Variants in CLOCK observed in about 807,000 individuals in gnomAD.
CLOCK encodes the protein circadian locomoter output cycles protein kaput.
In CLOCK, 43 loss-of-function variants were observed where a neutral mutation model predicts 118.4. That is an observed-to-expected ratio of 0.36 (90% confidence interval 0.28 to 0.47). The LOEUF (loss-of-function observed/expected upper bound fraction) is 0.47. Among genes scored for constraint, CLOCK ranks in the 20% least tolerant of loss-of-function variants. CLOCK has a pLI of 1.00. For synonymous variants in CLOCK, 326 were observed against 339.2 expected (o/e 0.96, Z 0.43); for missense variants, 846 against 999.9 (o/e 0.85, Z 2.08).
chr4:55,493,641 A>C (rs572802524), intron 2 of CLOCK, among the ~76,000 whole-genome samples: 1 of 152,362 alleles, frequency 6.6e-6, no homozygotes, highest in South Asian at 2.1e-4. Context: ...TGTACGAGGA[A>C]AAAATGAAAT....
At chr4:55,528,560 C>T (rs1026684597) in intron 1 of CLOCK, among the ~76,000 whole-genome samples, 9 of 151,894 alleles carry the variant, frequency 5.9e-5, no homozygotes, top group African/African-American at 1.9e-4. Flanking sequence ...ATCTATAAGA[C>T]AATGAAAAGA....
In CLOCK at chr4:55,443,720, T is replaced by G. The variant is rs138667807; in HGVS notation, c.1869A>C (p.Ile623=). The G allele has an allele frequency of 3.7e-6, 6 of 1,614,042 alleles. No individual in the cohort carries two copies. The African/African-American group carries it at 5.3e-5, about 14-fold the overall frequency. ...ATGTACTCTGTAAAGTCTGTTGTTG[T>G]ATCATGTGCTGAGTTGTGCCAATGT... ...TGHIGTTQHM[I]QQQTLQSTST... Residue 623 remains isoleucine (I), a synonymous_variant, in exon 20 of 23, where the codon ATA becomes ATC. Transcript: ENST00000513440.
At chr4:55,501,485 ACAGC>A in intron 2 of CLOCK, 1 of 142,274 alleles carries the variant, frequency 7.0e-6, no homozygotes, top group Non-Finnish European at 1.6e-5. Context: ...TGGCCTAATC[ACAGC>A]TCACTGCAAC....
In CLOCK at chr4:55,444,751, T is replaced by C; in HGVS notation, c.1574A>G (p.His525Arg). ...CCGTTGTTCCAATTGGTCTTTCAGA[T>C]GTTGCATGGCTCCTAATTGAGCTGA... ...QFSAQLGAMQ[H>R]LKDQLEQRTR... is the part of the protein sequence containing the mutation. The change falls in exon 19 of 23, where the codon CAT becomes CGT. Residue 525 changes from histidine (H) to arginine (R), a missense_variant. Physicochemically the swap from His to Arg is conservative, Grantham distance 29. This residue lies in a region of CLOCK where 520 missense variants were observed against 558.0 expected (regional missense o/e 0.93). Coordinates refer to ENST00000513440, the MANE Select transcript of CLOCK (RefSeq NM_004898.4). The C allele has an allele frequency of 6.2e-7, 1 of 1,614,112 alleles. No individual in the cohort carries two copies. The highest frequency in any genetic ancestry group is 8.5e-7 in the Non-Finnish European group (1 of 1,180,006).
intron 1 of CLOCK, among the ~76,000 whole-genome samples, chr4:55,510,749 A>G (rs981930175): frequency 6.6e-6 from 1 of 152,122 alleles, no homozygotes. Context: ...TTTTTGTCCA[A>G]AGGGAACAGT....
intron 2 of CLOCK, among the ~76,000 whole-genome samples, chr4:55,508,796 G>T (rs1461831050): frequency 1.3e-5 from 2 of 152,222 alleles, no homozygotes; most frequent in East Asian, 3.9e-4. Context: ...GTTTCACCGT[G>T]TTAGCCAGGA....
In CLOCK at chr4:55,449,478, G is replaced by A. The variant is rs578243815; in HGVS notation, c.1367C>T (p.Pro456Leu). 638 of 1,613,888 alleles carry A rather than the reference G, an allele frequency of 4.0e-4. 7 individuals are homozygous for A. In the South Asian group the frequency reaches 5.6e-3, roughly 14 times the overall value. ...SDPSSTPTKI[P>L]TDTSTPPRQH... Reference sequence around the variant, plus strand: ...CCTGGGTGGAGTGCTCGTATCCGTCGGGATCTTGGTTGGTGTTGCTGAAGT... The same window carrying A: ...CCTGGGTGGAGTGCTCGTATCCGTCAGGATCTTGGTTGGTGTTGCTGAAGT... The change falls in exon 17 of 23, where the codon CCG becomes CTG. Residue 456 changes from proline to leucine, a missense_variant. Pro to Leu is a moderately conservative substitution (Grantham distance 98). Around this residue, in one of 4 missense-constraint regions of CLOCK, gnomAD observed 520 missense variants for 558.0 expected, o/e 0.93. Coordinates refer to ENST00000513440, the MANE Select transcript of CLOCK (RefSeq NM_004898.4).
chr4:55,448,805 A>G lies in CLOCK; in HGVS notation c.1513T>C (p.Leu505=), dbSNP rs768705084. 6.2e-7 allele frequency: 1 copy of G among 1,614,030 alleles called. No individual in the cohort carries two copies. ...TGGGACATGCCTTGTGGAATTGGTA[A>G]ATTTGTAGCTTGAGACATCACTGGC... ...TQPVMSQATN[L]PIPQGMSQFQ... The change falls in exon 18 of 23, where the codon TTA becomes CTA. Residue 505 remains leucine (L), a synonymous_variant. Coordinates refer to ENST00000513440, the MANE Select transcript of CLOCK (RefSeq NM_004898.4).
Position 55,513,940 on chromosome 4 carries a change from G to A in CLOCK, c.-289-3875C>T, listed in dbSNP as rs376796473. ...TCCACTTGTTCACTGCTGGTATATA[G>A]GAATATAATCTACTTTTGCATATTA... On this transcript the variant is annotated intron_variant, in intron 1 of 22. Transcript: ENST00000513440. Among the ~76,000 whole-genome samples the A allele has an allele frequency of 2.7e-4, 41 of 152,132 alleles. 1 individual carries two copies. In the East Asian group the frequency reaches 3.9e-3, roughly 14 times the overall value.
chr4:55,482,903 C>T (rs1727029079), intron 3 of CLOCK, 75 bp from the exon 4 acceptor site: 1 of 680,488 alleles, frequency 1.5e-6, no homozygotes, highest in East Asian at 2.8e-5. Flanking sequence ...TTGAGAAATA[C>T]TATATGTTAT....
At position 55,450,152 on chromosome 4, in the gene CLOCK, G is replaced by C; in HGVS notation, c.1287C>G (p.Thr429=). 6.2e-7 allele frequency: 1 copy of C among 1,614,076 alleles called. No homozygotes were observed. Among genetic ancestry groups the C allele is most frequent in the Non-Finnish European group, 8.5e-7 (1 of 1,180,004 alleles). ...TTGAACTCCGAGAAGAGGCAGAAGGGGTTGGGCTGTGATCAAACCTTTCCA... is the reference window on the plus strand; with the variant it reads ...TTGAACTCCGAGAAGAGGCAGAAGGCGTTGGGCTGTGATCAAACCTTTCCA... ...EALERFDHSP[T]PSASSRSSRK... Residue 429 remains threonine, a synonymous_variant, in exon 16 of 23, where the codon ACC becomes ACG. Coordinates refer to ENST00000513440, the MANE Select transcript of CLOCK (RefSeq NM_004898.4).
At chr4:55,542,344 AAATAAT>A (rs530927235) in intron 1 of CLOCK, among the ~76,000 whole-genome samples, 89 of 117,296 alleles carry the variant, frequency 7.6e-4, no homozygotes, top group African/African-American at 2.4e-3. Context: ...ACTCTGTCTC[AAATAAT>A]AATAATAATA....
At chr4:55,517,059 T>C (rs28572326) in intron 1 of CLOCK, among the ~76,000 whole-genome samples, 1,776 of 152,354 alleles carry the variant, frequency 0.012, 32 homozygotes, top group African/African-American at 0.041. Flanking sequence ...TAAGCATACA[T>C]AATTGAATAC....
At position 55,434,068 on chromosome 4, in the gene CLOCK, T is replaced by C. The variant is rs576026322; in HGVS notation, c.*1347A>G. On this transcript the variant is annotated 3_prime_UTR_variant, in exon 23 of 23. Coordinates refer to ENST00000513440, the MANE Select transcript of CLOCK (RefSeq NM_004898.4). ...CTCCAGTCCAAGAGACTGATAGCAG[T>C]CTTCAGAGGAACTTATTAGGAGACT... The C allele has an allele frequency of 6.6e-6, 1 of 152,654 alleles. No homozygotes were observed. Among genetic ancestry groups the C allele is most frequent in the South Asian group, 2.1e-4 (1 of 4,836 alleles). 9.5% of individuals were successfully genotyped at this position (152,654 alleles called of 1,614,324 possible).
rs574291051 is a variant in CLOCK at position 55,428,483 on chromosome 4, G to A, written c.*6932C>T. On this transcript the variant is annotated 3_prime_UTR_variant, in exon 23 of 23. Coordinates refer to ENST00000513440, the MANE Select transcript of CLOCK (RefSeq NM_004898.4). ...ATGTGTGTATGCAATTCAGAATTTCGGCAGAAGACAACAAATGGAAAATGC... is the reference window on the plus strand; with the variant it reads ...ATGTGTGTATGCAATTCAGAATTTCAGCAGAAGACAACAAATGGAAAATGC... The A allele has an allele frequency of 3.9e-5, 6 of 152,178 alleles. No individual in the cohort carries two copies. The highest frequency in any genetic ancestry group is 4.2e-4 in the South Asian group (2 of 4,816). The allele number at this position is 152,178 out of a possible 1,614,324, so 9.4% of individuals were successfully genotyped here. A position where few individuals can be genotyped will look rare whatever the true frequency, so the allele number is the denominator to read the frequency against.
chr4:55,431,718 AAGC>A lies in CLOCK; in HGVS notation c.*3694_*3696del, dbSNP rs1722516242. The A allele has an allele frequency of 1.3e-5, 2 of 152,234 alleles. No individual in the cohort carries two copies. The highest frequency in any genetic ancestry group is 2.9e-5 in the Non-Finnish European group (2 of 68,022). 9.4% of individuals were successfully genotyped at this position (152,234 alleles called of 1,614,324 possible). A position where few individuals can be genotyped will look rare whatever the true frequency, so the allele number is the denominator to read the frequency against. ...AATTACCAAAGAAACAGAAAGAAAA[AAGC>A]AGAAATACTAAAGTAAAATGCTATT... On this transcript the variant is annotated 3_prime_UTR_variant, in exon 23 of 23. Coordinates refer to ENST00000513440, the MANE Select transcript of CLOCK (RefSeq NM_004898.4).
At chr4:55,540,006 AAT>A (rs1491146758) in intron 1 of CLOCK, among the ~76,000 whole-genome samples, 6 of 98,654 alleles carry the variant, frequency 6.1e-5, no homozygotes, top group African/African-American at 2.7e-4. Flanking sequence ...CAATGATATT[AAT>A]TTTTTTTTTT....
intron 2 of CLOCK, among the ~76,000 whole-genome samples, chr4:55,502,664 A>C (rs1385071266): frequency 6.6e-6 from 1 of 152,224 alleles, no homozygotes; most frequent in Non-Finnish European, 1.5e-5. Flanking sequence ...TAACCATAAA[A>C]AAATTTGATA....
At chr4:55,489,008 C>A (rs1727490737) in intron 3 of CLOCK, among the ~76,000 whole-genome samples, 1 of 152,224 alleles carries the variant, frequency 6.6e-6, no homozygotes, top group Non-Finnish European at 1.5e-5. Flanking sequence ...GCTAGGATTA[C>A]AGGCACAAGC....
Sources: allele counts gnomAD v4.1 joint callset (sites outside exome capture counted in the v4.1 genomes callset), GRCh38; gene constraint gnomAD v4.1.1; regional missense constraint gnomAD v4.1.1; transcripts MANE v1.5; gene names NCBI Gene and HGNC (gene_info 2026-07-23, HGNC 2026-07-21).